DUSP4: variants seen among roughly 807,000 people sequenced by gnomAD.
DUSP4 encodes the protein dual specificity phosphatase 4.
In DUSP4, 12 loss-of-function variants were observed where a neutral mutation model predicts 27.2. The observed-to-expected ratio is 0.44, with a 90% CI of 0.28 to 0.71. The LOEUF (loss-of-function observed/expected upper bound fraction) is 0.71. DUSP4 is among the 30% of genes least tolerant of loss of function. DUSP4 has a pLI of 0.14. For synonymous variants in DUSP4, 257 were observed against 245.2 expected, an observed-to-expected ratio of 1.05 and a Z score of -0.45; for missense variants, 448 against 551.3, an observed-to-expected ratio of 0.81 and a Z score of 1.88.
intron 1 of DUSP4, among the ~76,000 whole-genome samples, chr8:29,347,509 T>C (rs1422269704): frequency 6.6e-6 from 1 of 152,196 alleles, no homozygotes; most frequent in Non-Finnish European, 1.5e-5. Context: ...CACCTCTCAA[T>C]TTTAGGTGCT....
At chr8:29,345,405 G>C (rs1365772462) in intron 1 of DUSP4, 1 of 1,613,550 alleles carries the variant, frequency 6.2e-7, no homozygotes, top group African/African-American at 1.3e-5. Context: ...GGACCTTCCT[G>C]CCAGCTGGCT....
rs1282731206 is a variant in DUSP4 at position 29,350,470 on chromosome 8, T to A, written c.-192A>T. The A allele has an allele frequency of 2.0e-5, 14 of 689,706 alleles. No homozygotes were observed. The highest frequency in any genetic ancestry group is 2.9e-5 in the Non-Finnish European group (13 of 441,374). 42.7% of individuals were successfully genotyped at this position (689,706 alleles called of 1,614,324 possible). On this transcript the variant is annotated 5_prime_UTR_variant, in exon 1 of 4. It removes an upstream start codon present in the reference 5' UTR. Transcript: ENST00000240100. ...TTCCTCCCGCAGCCTCGCGGTCACA[T>A]AGCAGTCGGAGCGGCCTCGGGCGCC... is the stretch of plus-strand genomic sequence containing the variant.
In DUSP4 at chr8:29,346,143, C is replaced by A. The variant is rs144245092; in HGVS notation, c.433+3703G>T. ...GCTGTTAATTGTGTTCCTCTCCCCC[C>A]ACATTCATCAGTGGCCTTAGTGACT... On this transcript the variant is annotated intron_variant, in intron 1 of 3. Coordinates refer to ENST00000240100, the MANE Select transcript of DUSP4 (RefSeq NM_001394.7). The A allele has an allele frequency of 1.3e-5, 12 of 913,874 alleles. No homozygotes were observed. In the South Asian group the frequency reaches 4.5e-4, roughly 35 times the overall value. 56.6% of individuals were successfully genotyped at this position (913,874 alleles called of 1,614,324 possible).
Position 29,345,311 on chromosome 8 carries a change from A to G in DUSP4, c.433+4535T>C. On this transcript the variant is annotated intron_variant, in intron 1 of 3. Transcript: ENST00000240100. ...CTCTACTTTATGTGACTGTTGACTT[A>G]GTAAGCACCTATGTAAATGCTGAGC... 5 of 1,590,550 alleles carry G rather than the reference A, an allele frequency of 3.1e-6. No individual in the cohort carries two copies. In the South Asian group the frequency reaches 5.6e-5, roughly 18 times the overall value.
At chr8:29,339,625 T>C (rs1817626396) in intron 2 of DUSP4, among the ~76,000 whole-genome samples, 1 of 152,066 alleles carries the variant, frequency 6.6e-6, no homozygotes, top group Non-Finnish European at 1.5e-5. Flanking sequence ...TTCCAAGAAG[T>C]AAATAGGTCC....
At position 29,333,743 on chromosome 8, in the gene DUSP4, G is replaced by A. The variant is rs949747428; in HGVS notation, c.*3283C>T. On this transcript the variant is annotated 3_prime_UTR_variant, in exon 4 of 4. Transcript: ENST00000240100. The stretch of plus-strand genomic sequence containing the variant: ...TCCCCCACCTAGAATTGGTTGAACT[G>A]GTCTAGGAGAGCCTGGGTATCAGAA... The A allele has an allele frequency of 5.9e-5, 9 of 152,246 alleles. No individual in the cohort carries two copies. Among genetic ancestry groups the A allele is most frequent in the African/African-American group, 1.7e-4 (7 of 41,452 alleles). The allele number at this position is 152,246 out of a possible 1,614,324, so 9.4% of individuals were successfully genotyped here.
chr8:29,344,650 T>C (rs535639358), intron 1 of DUSP4, among the ~76,000 whole-genome samples: 1 of 152,222 alleles, frequency 6.6e-6, no homozygotes, highest in East Asian at 1.9e-4. Flanking sequence ...CCAAGTTTAG[T>C]GGAAATGAGG....
At chr8:29,344,733 C>T (rs972052740) in intron 1 of DUSP4, among the ~76,000 whole-genome samples, 3 of 152,068 alleles carry the variant, frequency 2.0e-5, no homozygotes, top group African/African-American at 7.2e-5. Context: ...TGTAAAAGTA[C>T]TTTACAAAGG....
intron 1 of DUSP4, 39 bp downstream of exon 1, chr8:29,349,807 T>TCTC: frequency 1.4e-6 from 2 of 1,450,348 alleles, no homozygotes; most frequent in Non-Finnish European, 1.8e-6. Flanking sequence ...ACCCCCTCCA[T>TCTC]CTCCCCGACT....
chr8:29,345,219 C>T, intron 1 of DUSP4: 1 of 965,210 alleles, frequency 1.0e-6, no homozygotes, highest in East Asian at 2.7e-5. Flanking sequence ...TGGCCTTGCT[C>T]TTGCCAGAAA....
rs1817606991 is a variant in DUSP4 at position 29,338,293 on chromosome 8, A to G, written c.788T>C (p.Ile263Thr). The stretch of plus-strand genomic sequence containing the variant: ...CAGGGCCAGCCTACCGATGTACTCT[A>G]TGGCTTCCATGAACCAGGAGCTGAT... The part of the protein sequence containing the change: ...ADISSWFMEA[I>T]EYIDAVKDCR... Residue 263 changes from isoleucine (I) to threonine (T), a missense_variant, in exon 3 of 4, where the codon ATA becomes ACA. Coordinates refer to ENST00000240100, the MANE Select transcript of DUSP4 (RefSeq NM_001394.7). 1.2e-6 allele frequency: 2 copies of G among 1,614,010 alleles called. No homozygotes were observed. The highest frequency in any genetic ancestry group is 1.7e-6 in the Non-Finnish European group (2 of 1,180,030).
intron 1 of DUSP4, among the ~76,000 whole-genome samples, chr8:29,347,099 CA>C (rs1160795772): frequency 6.6e-6 from 1 of 152,190 alleles, no homozygotes; most frequent in Non-Finnish European, 1.5e-5. Context: ...AACCCTTCAC[CA>C]ATTCAGGCAT....
chr8:29,348,444 A>T, intron 1 of DUSP4: 1 of 977,758 alleles, frequency 1.0e-6, no homozygotes, highest in South Asian at 4.8e-5. Flanking sequence ...GACTGGGCTC[A>T]TTTGGAGGAG....
At position 29,334,279 on chromosome 8, in the gene DUSP4, T is replaced by C. The variant is rs1197604133; in HGVS notation, c.*2747A>G. On this transcript the variant is annotated 3_prime_UTR_variant, in exon 4 of 4. Transcript: ENST00000240100. ...CCTTCATGGGAGGGATGGATGCCTG[T>C]TGAAACTCACTGACCTATTGGACTG... The C allele has an allele frequency of 6.6e-6, 1 of 152,248 alleles. No individual in the cohort carries two copies. Among genetic ancestry groups the C allele is most frequent in the East Asian group, 1.9e-4 (1 of 5,202 alleles). The allele number at this position is 152,248 out of a possible 1,614,324, so 9.4% of individuals were successfully genotyped here.
intron 1 of DUSP4, chr8:29,348,240 C>T: frequency 1.0e-6 from 1 of 985,588 alleles, no homozygotes; most frequent in Non-Finnish European, 1.2e-6. Context: ...CGGCCAGCCC[C>T]GGCCATTCGA....
chr8:29,345,412 G>T, intron 1 of DUSP4: 9 of 1,613,790 alleles, frequency 5.6e-6, no homozygotes, highest in Non-Finnish European at 7.6e-6. Context: ...CCTGCCAGCT[G>T]GCTGACACCT....
chr8:29,340,007 A>G, intron 2 of DUSP4, 91 bp downstream of exon 2: 1 of 1,472,694 alleles, frequency 6.8e-7, no homozygotes, highest in Non-Finnish European at 9.1e-7. Flanking sequence ...AGCAAAGACA[A>G]AAAACACCGT....
At chr8:29,346,084 G>GA (rs1161218353) in intron 1 of DUSP4, 4 of 985,214 alleles carry the variant, frequency 4.1e-6, no homozygotes, top group Non-Finnish European at 3.6e-6. Context: ...GCTAGAGAGA[G>GA]AAAAAACAGA....
intron 2 of DUSP4, 121 bp downstream of exon 2, chr8:29,339,977 C>T (rs1817633103): frequency 7.5e-7 from 1 of 1,330,528 alleles, no homozygotes; most frequent in African/African-American, 1.5e-5. Flanking sequence ...TCCTGGGTGA[C>T]AGAGCAAGAC....
Sources: allele counts gnomAD v4.1 joint callset (sites outside exome capture counted in the v4.1 genomes callset), GRCh38; gene constraint gnomAD v4.1.1; transcripts MANE v1.5; gene names NCBI Gene and HGNC (gene_info 2026-07-23, HGNC 2026-07-21).